The following RARB variants were observed in gnomAD, a reference collection of about 807,000 sequenced individuals.
RARB encodes HBV-activated protein.
In RARB, 17 loss-of-function variants were observed where a neutral mutation model predicts 51.9. That is an observed-to-expected ratio of 0.33 (90% confidence interval 0.22 to 0.49). The LOEUF is 0.49. RARB is among the 20% of genes least tolerant of loss of function. The probability of loss-of-function intolerance (pLI) is 0.99; values close to 1 mark genes in which losing one functional copy is unlikely to be tolerated. For missense variants in RARB, 369 were observed against 550.8 expected (o/e 0.67, Z 3.30); for synonymous variants, 215 against 195.4 (o/e 1.10, Z -0.84).
intron 5 of RARB, among the ~76,000 whole-genome samples, chr3:25,378,386 G>A (rs559494305): frequency 4.6e-5 from 7 of 152,224 alleles, no homozygotes; most frequent in African/African-American, 1.4e-4. Context: ...TAAATCCCTG[G>A]TCTAGGAGGC....
chr3:24,999,815 A>C (rs2125274361), intron 2 of RARB, among the ~76,000 whole-genome samples: 1 of 152,280 alleles, frequency 6.6e-6, no homozygotes, highest in Middle Eastern at 3.4e-3. Context: ...CTGTGGTATA[A>C]GTTTTAACTT....
intron 3 of RARB, among the ~76,000 whole-genome samples, chr3:25,554,736 G>C (rs1290400630): frequency 6.6e-6 from 1 of 152,114 alleles, no homozygotes; most frequent in Non-Finnish European, 1.5e-5. Context: ...AATTCATAAA[G>C]AAAAGGAATT....
At chr3:24,998,672 C>G (rs1697095121) in intron 2 of RARB, among the ~76,000 whole-genome samples, 1 of 152,092 alleles carries the variant, frequency 6.6e-6, no homozygotes, top group Non-Finnish European at 1.5e-5. Flanking sequence ...ACCACTGTAG[C>G]TTAACATTCC....
intron 2 of RARB, among the ~76,000 whole-genome samples, chr3:24,991,443 C>CAAAAAAAAAAAAAA (rs371185277): frequency 7.2e-6 from 1 of 138,764 alleles, no homozygotes; most frequent in Non-Finnish European, 1.6e-5. Context: ...AACTCTGTCT[C>CAAAAAAAAAAAAAA]AAAAAAAAAA....
intron 4 of RARB, among the ~76,000 whole-genome samples, chr3:25,132,427 A>C (rs543731869): frequency 3.4e-4 from 52 of 151,982 alleles, no homozygotes; most frequent in African/African-American, 1.3e-3. Context: ...GGCATCCAAG[A>C]ATTTTGTGGC....
At chr3:25,278,269 G>A (rs1365023168) in intron 5 of RARB, among the ~76,000 whole-genome samples, 1 of 152,144 alleles carries the variant, frequency 6.6e-6, no homozygotes, top group Non-Finnish European at 1.5e-5. Flanking sequence ...TCACTGTTTT[G>A]TCGTAAAGAT....
At chr3:25,013,449 C>T (rs1424664465) in intron 2 of RARB, among the ~76,000 whole-genome samples, 1 of 152,086 alleles carries the variant, frequency 6.6e-6, no homozygotes, top group Non-Finnish European at 1.5e-5. Flanking sequence ...CCCAACTATT[C>T]TTAACCATCT....
chr3:25,570,265 G>T (rs1164325509), intron 4 of RARB, among the ~76,000 whole-genome samples: 1 of 152,246 alleles, frequency 6.6e-6, no homozygotes, highest in Non-Finnish European at 1.5e-5. Flanking sequence ...CTTTGATCTG[G>T]TGAAGGAAAC....
intron 5 of RARB, among the ~76,000 whole-genome samples, chr3:25,265,401 T>C (rs1703101736): frequency 6.6e-6 from 1 of 152,194 alleles, no homozygotes; most frequent in African/African-American, 2.4e-5. Context: ...TCAGCAAGTT[T>C]TCCCACTTCC....
At chr3:25,542,402 A>G (rs1281451150) in intron 3 of RARB, among the ~76,000 whole-genome samples, 2 of 152,202 alleles carry the variant, frequency 1.3e-5, no homozygotes, top group Non-Finnish European at 2.9e-5. Context: ...ATTAAACCCA[A>G]TGGGGTAGAG....
intron 5 of RARB, among the ~76,000 whole-genome samples, chr3:25,250,790 A>G (rs537015547): frequency 2.0e-5 from 3 of 152,234 alleles, no homozygotes; most frequent in African/African-American, 4.8e-5. Context: ...TCCTCAAGCA[A>G]TGCTGTCATG....
rs552425100 is a variant in RARB at position 25,056,138 on chromosome 3, C to T, written c.-379-3987C>T. On this transcript the variant is annotated intron_variant, in intron 2 of 11. Transcript: ENST00000383772. ...TTTCAGGGGGTCAAGAGATCTATTTCCTGCTGGTAACAGGCTGGTCAAAGA... is the reference window on the plus strand; with the variant it reads ...TTTCAGGGGGTCAAGAGATCTATTTTCTGCTGGTAACAGGCTGGTCAAAGA... Among the ~76,000 whole-genome samples the T allele has an allele frequency of 3.3e-5, 5 of 152,242 alleles. No individual in the cohort carries two copies. The South Asian group carries it at 1.0e-3, about 32-fold the overall frequency.
chr3:25,046,933 A>T (rs957691451), intron 2 of RARB, among the ~76,000 whole-genome samples: 23 of 152,148 alleles, frequency 1.5e-4, no homozygotes, highest in African/African-American at 5.6e-4. Flanking sequence ...TTGGCTCAGG[A>T]ACACTTATTT....
chr3:25,180,687 C>G (rs1700843929), intron 5 of RARB, among the ~76,000 whole-genome samples: 1 of 152,138 alleles, frequency 6.6e-6, no homozygotes, highest in Non-Finnish European at 1.5e-5. Context: ...CTTTGTTTCT[C>G]TGTTTTCTCC....
chr3:24,880,585 TGAATACCCATGA>T (rs1703140031), intron 2 of RARB, among the ~76,000 whole-genome samples: 1 of 152,134 alleles, frequency 6.6e-6, no homozygotes, highest in South Asian at 2.1e-4. Flanking sequence ...ACATGGGTTG[TGAATACCCATGA>T]GAGTTCCCTA....
At chr3:25,143,988 A>G (rs186335728) in intron 4 of RARB, among the ~76,000 whole-genome samples, 10 of 150,750 alleles carry the variant, frequency 6.6e-5, no homozygotes, top group Admixed American at 5.9e-4. Flanking sequence ...ACTTTCTATG[A>G]AAGATATTCA....
At chr3:24,923,922 A>G (rs947354192) in intron 2 of RARB, among the ~76,000 whole-genome samples, 2 of 152,180 alleles carry the variant, frequency 1.3e-5, no homozygotes, top group African/African-American at 4.8e-5. Context: ...GTAGATTCTT[A>G]GATATTTCAA....
Position 25,423,052 on chromosome 3 carries a change from A to G in RARB, c.179-38141A>G, listed in dbSNP as rs183705551. ...GTTGAGCAGTTGCAACAGAGACTGT[A>G]TAGCCTGCAAAGCCTAAAATATTTC... On this transcript the variant is annotated intron_variant, in intron 5 of 11. Coordinates refer to the RARB transcript ENST00000383772. Among the ~76,000 whole-genome samples the G allele has an allele frequency of 2.3e-3, 344 of 152,360 alleles. 6 individuals carry two copies. The highest frequency in any genetic ancestry group is 8.1e-4 in the Non-Finnish European group (55 of 68,038).
At chr3:25,349,184 G>A (rs991390318) in intron 5 of RARB, among the ~76,000 whole-genome samples, 1 of 152,220 alleles carries the variant, frequency 6.6e-6, no homozygotes, top group African/African-American at 2.4e-5. Flanking sequence ...CTTTGTGAAT[G>A]CAGCTGACAG....
Sources: allele counts gnomAD v4.1 joint callset (sites outside exome capture counted in the v4.1 genomes callset), GRCh38; gene constraint gnomAD v4.1.1; transcripts MANE v1.5; gene names NCBI Gene and HGNC (gene_info 2026-07-23, HGNC 2026-07-21).